ADGRA2: variants seen among roughly 807,000 people sequenced by gnomAD.
ADGRA2 encodes the protein adhesion G protein-coupled receptor A2, also known as G-protein coupled receptor 124.
ADGRA2 carries 61 observed loss-of-function variants against 98.7 expected under a neutral mutation model. The ratio of observed to expected loss-of-function variants is 0.62; its 90% CI spans 0.50 to 0.76. The LOEUF (loss-of-function observed/expected upper bound fraction) is 0.76. Ranked by LOEUF, ADGRA2 falls within the 30% of genes least tolerant of loss-of-function variation. ADGRA2 has a pLI of 0.00. For synonymous variants in ADGRA2, 858 were observed against 831.5 expected, an observed-to-expected ratio of 1.03 and a Z score of -0.55; for missense variants, 1,712 against 1,860.0, an observed-to-expected ratio of 0.92 and a Z score of 1.46.
In ADGRA2 at chr8:37,834,980, G is replaced by A. The variant is rs1805563343; in HGVS notation, c.1609-194G>A. ...TTGTAGGCTGCAGTGAGCTGGTTGTGATGCTGCACTCCAGCCTGGGTGACA... is the reference window on the plus strand; with the variant it reads ...TTGTAGGCTGCAGTGAGCTGGTTGTAATGCTGCACTCCAGCCTGGGTGACA... On this transcript the variant is annotated intron_variant, in intron 11 of 18. Coordinates refer to ENST00000412232, the MANE Select transcript of ADGRA2 (RefSeq NM_032777.10). This position sits in a 1 kb window ranked among gnomAD's most constrained non-coding sequence, Gnocchi z 4.2. 6.6e-6 allele frequency among the ~76,000 whole-genome samples: 1 copy of A among 151,898 alleles called. No homozygotes were observed. Among genetic ancestry groups the A allele is most frequent in the Non-Finnish European group, 1.5e-5 (1 of 67,944 alleles).
chr8:37,833,872 CG>C, intron 10 of ADGRA2, 35 bp downstream of exon 10: 1 of 1,610,804 alleles, frequency 6.2e-7, no homozygotes, highest in South Asian at 1.1e-5. Flanking sequence ...GCTCGGAAAA[CG>C]CCCCCATCCC....
At chr8:37,828,643 T>C (rs905914474) in intron 2 of ADGRA2, among the ~76,000 whole-genome samples, 11 of 144,292 alleles carry the variant, frequency 7.6e-5, no homozygotes, top group African/African-American at 3.0e-4. Context: ...CTGGCTAATT[T>C]TTTTTTTTTT....
At position 37,841,392 on chromosome 8, in the gene ADGRA2, G is replaced by T; in HGVS notation, c.3054G>T (p.Gln1018His). The T allele has an allele frequency of 1.9e-6, 3 of 1,612,068 alleles. No homozygotes were observed. The highest frequency in any genetic ancestry group is 8.5e-7 in the Non-Finnish European group (1 of 1,179,438). The change falls in exon 19 of 19, where the codon CAG becomes CAT. Residue 1018 changes from glutamine (Q) to histidine (H), a missense_variant. Gln to His is a conservative substitution (Grantham distance 24). Coordinates refer to ENST00000412232, the MANE Select transcript of ADGRA2 (RefSeq NM_032777.10). This position sits in a 1 kb window ranked among gnomAD's most constrained non-coding sequence, Gnocchi z 5.0. ...ACAGCCTCTATTCTCCGGGAGTCCA[G>T]CTAGGGGCGCTGGTGACCACGCACT... Reference protein sequence around the residue: ...DGDSLYSPGVQLGALVTTHFL... With the variant: ...DGDSLYSPGVHLGALVTTHFL...
chr8:37,835,848 T>C, intron 13 of ADGRA2, 78 bp downstream of exon 13: 3 of 881,184 alleles, frequency 3.4e-6, no homozygotes, highest in Non-Finnish European at 5.5e-6. Flanking sequence ...TGCCCTTCCC[T>C]GGCCCACAGC....
chr8:37,836,096 CA>C lies in ADGRA2; in HGVS notation c.2050+327del, dbSNP rs373430020. Among the ~76,000 whole-genome samples, 1,159 of 133,638 alleles carry C rather than the reference CA, an allele frequency of 8.7e-3. 22 individuals carry two copies. The highest frequency in any genetic ancestry group is 0.021 in the African/African-American group (701 of 33,376). The allele number at this position is 133,638 out of a possible 152,430, so 87.7% of individuals were successfully genotyped here. A position where few individuals can be genotyped will look rare whatever the true frequency, so the allele number is the denominator to read the frequency against. On this transcript the variant is annotated intron_variant, in intron 13 of 18. Transcript: ENST00000412232. The stretch of plus-strand genomic sequence containing the variant: ...ACACACACACACACACACACACACA[CA>C]CCCCACAGGCCCAATGCAGACAAGT...
chr8:37,830,915 C>T lies in ADGRA2; in HGVS notation c.924C>T (p.Phe308=). Residue 308 remains phenylalanine (F), a synonymous_variant, in exon 7 of 19, where the codon TTC becomes TTT. Coordinates refer to ENST00000412232, the MANE Select transcript of ADGRA2 (RefSeq NM_032777.10). This position sits in a 1 kb window ranked among gnomAD's most constrained non-coding sequence, Gnocchi z 4.8. ...AGAGCCTCATCCACGACTGCACCTT[C>T]ATCACCAGGTATGAGCCCCGCTGCC... is the stretch of plus-strand genomic sequence containing the variant. ...LAESLIHDCT[F]ITSELTLSHI... 6.4e-7 allele frequency: 1 copy of T among 1,574,260 alleles called. No individual in the cohort carries two copies. Among genetic ancestry groups the T allele is most frequent in the Non-Finnish European group, 8.6e-7 (1 of 1,159,520 alleles).
At chr8:37,824,180 C>T (rs985416815) in intron 2 of ADGRA2, among the ~76,000 whole-genome samples, 5 of 151,842 alleles carry the variant, frequency 3.3e-5, no homozygotes, top group African/African-American at 9.7e-5. Flanking sequence ...TACAGGCATG[C>T]GCCACCACGC....
At chr8:37,809,992 T>G (rs1392095344) in intron 1 of ADGRA2, among the ~76,000 whole-genome samples, 2 of 152,188 alleles carry the variant, frequency 1.3e-5, no homozygotes, top group African/African-American at 4.8e-5. Flanking sequence ...CCCTGCACAC[T>G]GACACCAGTG....
At chr8:37,799,287 A>G (rs1804430901) in intron 1 of ADGRA2, among the ~76,000 whole-genome samples, 1 of 152,022 alleles carries the variant, frequency 6.6e-6, no homozygotes. Flanking sequence ...AGGCAGGAGA[A>G]TCGCTTGAAC....
At chr8:37,821,578 G>C (rs1346741989) in intron 2 of ADGRA2, among the ~76,000 whole-genome samples, 1 of 152,190 alleles carries the variant, frequency 6.6e-6, no homozygotes, top group Non-Finnish European at 1.5e-5. Context: ...GTCACAGTAA[G>C]ATGCCTCTAG....
At chr8:37,804,134 C>CACACACAT (rs1804592323) in intron 1 of ADGRA2, among the ~76,000 whole-genome samples, 2 of 151,072 alleles carry the variant, frequency 1.3e-5, no homozygotes, top group African/African-American at 2.4e-5. Flanking sequence ...CACACACACA[C>CACACACAT]ACACACACAC....
At position 37,834,660 on chromosome 8, in the gene ADGRA2, G is replaced by A. The variant is rs780283353; in HGVS notation, c.1609-514G>A. On this transcript the variant is annotated intron_variant, in intron 11 of 18. Coordinates refer to ENST00000412232, the MANE Select transcript of ADGRA2 (RefSeq NM_032777.10). This position sits in a 1 kb window ranked among gnomAD's most constrained non-coding sequence, Gnocchi z 4.2. ...TGTAATCCCAGCACGTTGGGAGGCCGATACAGGAGGATCTCCCAAGGCCAG... is the reference window on the plus strand; with the variant it reads ...TGTAATCCCAGCACGTTGGGAGGCCAATACAGGAGGATCTCCCAAGGCCAG... 3.3e-5 allele frequency among the ~76,000 whole-genome samples: 5 copies of A among 152,116 alleles called. No individual in the cohort carries two copies. The highest frequency in any genetic ancestry group is 2.1e-4 in the South Asian group (1 of 4,824).
In ADGRA2 at chr8:37,844,838, G is replaced by A. The variant is rs766911880; in HGVS notation, c.*2483G>A. On this transcript the variant is annotated 3_prime_UTR_variant, in exon 19 of 19. Coordinates refer to ENST00000412232, the MANE Select transcript of ADGRA2 (RefSeq NM_032777.10). ...GAAAGGCAGAGCGGACCAGTGACTG[G>A]CGGTGCTGGAGAAGGTCACCGATGT... 1.2e-6 allele frequency: 2 copies of A among 1,614,192 alleles called. No homozygotes were observed. Among genetic ancestry groups the A allele is most frequent in the African/African-American group, 1.3e-5 (1 of 75,046 alleles).
chr8:37,819,861 G>C (rs1458767599), intron 2 of ADGRA2, among the ~76,000 whole-genome samples: 1 of 150,546 alleles, frequency 6.6e-6, no homozygotes, highest in East Asian at 2.0e-4. Context: ...AGTAGAGATG[G>C]GGTTTCAGCA....
intron 1 of ADGRA2, among the ~76,000 whole-genome samples, chr8:37,810,854 T>G (rs978879460): frequency 5.3e-5 from 8 of 151,958 alleles, no homozygotes; most frequent in Non-Finnish European, 8.8e-5. Flanking sequence ...GGCCGTATCA[T>G]GCCTGTAATC....
intron 1 of ADGRA2, among the ~76,000 whole-genome samples, chr8:37,800,604 T>G (rs768085873): frequency 6.6e-6 from 1 of 152,120 alleles, no homozygotes; most frequent in Non-Finnish European, 1.5e-5. Context: ...AGGAGGATCT[T>G]GGTTCTGAAC....
intron 1 of ADGRA2, among the ~76,000 whole-genome samples, chr8:37,807,141 G>A (rs967109363): frequency 1.1e-4 from 17 of 152,188 alleles, no homozygotes; most frequent in African/African-American, 4.1e-4. Context: ...TCCTTCTATT[G>A]CCAGTCGGTG....
At chr8:37,829,059 C>T (rs1034452659) in intron 3 of ADGRA2, 100 bp downstream of exon 3, 7 of 859,664 alleles carry the variant, frequency 8.1e-6, no homozygotes, top group Admixed American at 5.3e-5. Context: ...CCCCCCCACA[C>T]CTGCCCCTCC....
intron 2 of ADGRA2, among the ~76,000 whole-genome samples, chr8:37,815,339 G>A (rs1451783941): frequency 6.6e-6 from 1 of 152,234 alleles, no homozygotes; most frequent in African/African-American, 2.4e-5. Flanking sequence ...GACTGACTGC[G>A]GCCCTTTTCC....
Sources: allele counts gnomAD v4.1 joint callset (sites outside exome capture counted in the v4.1 genomes callset), GRCh38; gene constraint gnomAD v4.1.1; non-coding constraint Gnocchi (gnomAD v3.1); transcripts MANE v1.5; gene names NCBI Gene and HGNC (gene_info 2026-07-23, HGNC 2026-07-21).